The following IL1RAP variants were observed in gnomAD, a reference collection of about 807,000 sequenced individuals.
The protein encoded by IL1RAP is interleukin-1 receptor accessory protein.
A neutral mutation model predicts 60.7 loss-of-function variants in IL1RAP; 35 were observed. The observed-to-expected ratio is 0.58, with a 90% CI of 0.44 to 0.76. IL1RAP has a LOEUF of 0.76. Among genes scored for constraint, IL1RAP ranks in the 30% least tolerant of loss-of-function variants. The pLI is 0.00. For missense variants in IL1RAP, 572 were observed against 693.9 expected (o/e 0.82, Z 1.97); for synonymous variants, 268 against 250.9 (o/e 1.07, Z -0.64).
chr3:190,626,664 CTTTTTT>C (rs766018376), intron 7 of IL1RAP, among the ~76,000 whole-genome samples: 1 of 99,988 alleles, frequency 1.0e-5, no homozygotes, highest in Non-Finnish European at 1.9e-5. Context: ...TGTCAGAGAC[CTTTTTT>C]TTTTTTTTTT....
chr3:190,562,701 C>T (rs1473139529), intron 2 of IL1RAP, among the ~76,000 whole-genome samples: 1,091 of 28,720 alleles, frequency 0.038, 15 homozygotes, highest in African/African-American at 0.073. Context: ...CGTCCACACA[C>T]ACACACACAC....
At chr3:190,531,955 A>T (rs1191598756) in intron 1 of IL1RAP, among the ~76,000 whole-genome samples, 1 of 152,142 alleles carries the variant, frequency 6.6e-6, no homozygotes, top group Non-Finnish European at 1.5e-5. Flanking sequence ...AGAATACTAG[A>T]TTGCTGGGGC....
At chr3:190,526,342 T>C (rs1722511214) in intron 1 of IL1RAP, among the ~76,000 whole-genome samples, 1 of 152,252 alleles carries the variant, frequency 6.6e-6, no homozygotes, top group Non-Finnish European at 1.5e-5. Flanking sequence ...TTAATCATTA[T>C]ACTATTCTGC....
intron 5 of IL1RAP, among the ~76,000 whole-genome samples, chr3:190,614,985 A>G (rs1731142411): frequency 6.6e-6 from 1 of 152,058 alleles, no homozygotes. Context: ...AGAAAACCAA[A>G]TGTTTACATT....
rs66937098 is a variant in IL1RAP at position 190,542,879 on chromosome 3, ATTTTTTTTT to A, written c.-88-13239_-88-13231del. Reference sequence around the variant, plus strand: ...TGTAACATACACAAAGATTAAGGGAATTTTTTTTTTTTTTTTTTTTGGCTAGCATCAACA... The same window carrying A: ...TGTAACATACACAAAGATTAAGGGAATTTTTTTTTTTGGCTAGCATCAACA... On this transcript the variant is annotated intron_variant, in intron 1 of 11. Transcript: ENST00000447382. Among the ~76,000 whole-genome samples the A allele has an allele frequency of 6.7e-5, 7 of 104,790 alleles. No homozygotes were observed. The East Asian group carries it at 1.9e-3, about 29-fold the overall frequency. The allele number at this position is 104,790 out of a possible 152,430, so 68.7% of individuals were successfully genotyped here. A position where few individuals can be genotyped will look rare whatever the true frequency, so the allele number is the denominator to read the frequency against.
At chr3:190,554,054 C>A (rs1725160135) in intron 1 of IL1RAP, among the ~76,000 whole-genome samples, 1 of 89,574 alleles carries the variant, frequency 1.1e-5, no homozygotes. Flanking sequence ...GAGCGAGACT[C>A]CGTCTCAAAA....
chr3:190,575,410 T>G (rs1727351966), intron 3 of IL1RAP, among the ~76,000 whole-genome samples: 1 of 152,192 alleles, frequency 6.6e-6, no homozygotes, highest in South Asian at 2.1e-4. Context: ...AGTAAACAAA[T>G]TTTTATAAGA....
chr3:190,654,156 T>C (rs1226943486), downstream of IL1RAP, among the ~76,000 whole-genome samples: 5 of 151,178 alleles, frequency 3.3e-5, no homozygotes, highest in Non-Finnish European at 7.4e-5. Context: ...ACATACATTT[T>C]CCTAAGGTGA....
At chr3:190,552,755 G>A (rs928623254) in intron 1 of IL1RAP, among the ~76,000 whole-genome samples, 5 of 152,088 alleles carry the variant, frequency 3.3e-5, no homozygotes, top group Non-Finnish European at 4.4e-5. Flanking sequence ...TCTCATGCAT[G>A]CATTAAAAGT....
At chr3:190,524,338 T>C (rs557091797) in intron 1 of IL1RAP, among the ~76,000 whole-genome samples, 1 of 152,322 alleles carries the variant, frequency 6.6e-6, no homozygotes, top group South Asian at 2.1e-4. Context: ...TCTTTTGTTG[T>C]GCACAAGCTC....
In IL1RAP at chr3:190,622,761, T is replaced by C. The variant is rs58736487; in HGVS notation, c.704-583T>C. ...CAGCTTGTGGATGTCCTTACCAACC[T>C]AGAAGCTCTCCGAACCTCATTGTTT... On this transcript the variant is annotated intron_variant, in intron 6 of 11. Coordinates refer to ENST00000447382, the MANE Select transcript of IL1RAP (RefSeq NM_002182.4). Among the ~76,000 whole-genome samples, 1,302 of 152,250 alleles carry C rather than the reference T, an allele frequency of 8.6e-3. 19 individuals carry two copies. Among genetic ancestry groups the C allele is most frequent in the African/African-American group, 0.03 (1,259 of 41,552 alleles).
At chr3:190,584,786 T>G (rs1728305714) in intron 3 of IL1RAP, among the ~76,000 whole-genome samples, 1 of 152,216 alleles carries the variant, frequency 6.6e-6, no homozygotes, top group Non-Finnish European at 1.5e-5. Context: ...TTGTCTTTGC[T>G]AACCTTTAAT....
At chr3:190,607,558 C>A (rs1437247711) in intron 4 of IL1RAP, among the ~76,000 whole-genome samples, 3 of 149,472 alleles carry the variant, frequency 2.0e-5, no homozygotes, top group Non-Finnish European at 3.0e-5. Context: ...CCAAGGTGCT[C>A]AATAAATGAC....
chr3:190,641,570 A>G (rs1326392263), intron 9 of IL1RAP, among the ~76,000 whole-genome samples: 2 of 152,240 alleles, frequency 1.3e-5, no homozygotes, highest in African/African-American at 4.8e-5. Flanking sequence ...GACACAAAAC[A>G]GAATTAAAAT....
At chr3:190,520,085 G>T (rs969880717) in intron 1 of IL1RAP, among the ~76,000 whole-genome samples, 5 of 152,172 alleles carry the variant, frequency 3.3e-5, no homozygotes, top group African/African-American at 1.2e-4. Context: ...AGTATATTGA[G>T]TAGATGCCCC....
chr3:190,597,094 T>A lies in IL1RAP; in HGVS notation c.65-7034T>A, dbSNP rs1180538539. The stretch of plus-strand genomic sequence containing the variant: ...CTGACTCACTTTACACACATATTCA[T>A]TTGGTCCATGAAACATCATGTAAGG... On this transcript the variant is annotated intron_variant, in intron 3 of 11. Transcript: ENST00000447382. 5.3e-5 allele frequency among the ~76,000 whole-genome samples: 8 copies of A among 152,200 alleles called. 1 individual carries two copies. The highest frequency in any genetic ancestry group is 5.2e-4 in the Admixed American group (8 of 15,278).
chr3:190,540,155 A>G (rs1267498065), intron 1 of IL1RAP, among the ~76,000 whole-genome samples: 5 of 152,122 alleles, frequency 3.3e-5, no homozygotes, highest in African/African-American at 1.2e-4. Context: ...TGGATATGCA[A>G]AAATGACAAG....
At chr3:190,654,152 A>C (rs941829491), downstream of IL1RAP, among the ~76,000 whole-genome samples, 1 of 151,152 alleles carries the variant, frequency 6.6e-6, no homozygotes, top group African/African-American at 2.4e-5. Flanking sequence ...AAAAACATAC[A>C]TTTTCCTAAG....
Position 190,620,421 on chromosome 3 carries a change from T to C in IL1RAP, c.684T>C (p.Thr228=). Residue 228 remains threonine, a synonymous_variant, in exon 6 of 12, where the codon ACT becomes ACC. Coordinates refer to ENST00000447382, the MANE Select transcript of IL1RAP (RefSeq NM_002182.4). ...ENGRTFHLTR[T]LTVKVVGSPK... is the part of the protein sequence containing the mutation. ...GACGTACGTTTCATCTCACCAGGAC[T>C]CTGACTGTAAAGGTAGTAGGTAAGC... The C allele has an allele frequency of 6.2e-7, 1 of 1,611,844 alleles. No homozygotes were observed. Among genetic ancestry groups the C allele is most frequent in the South Asian group, 1.1e-5 (1 of 90,538 alleles).
Sources: gnomAD v4.1 joint callset for allele counts (sites outside exome capture counted in the v4.1 genomes callset) on GRCh38, gnomAD v4.1.1 for gene constraint, MANE v1.5 for transcripts, NCBI Gene and HGNC (gene_info 2026-07-23, HGNC 2026-07-21) for gene names.